The following IQCM variants were observed in gnomAD, a reference collection of about 807,000 sequenced individuals.
IQCM encodes IQ motif containing M, also known as IQ domain-containing protein M.
A neutral mutation model predicts 57.6 loss-of-function variants in IQCM; 45 were observed. That is an observed-to-expected ratio of 0.78 (90% CI 0.62 to 1.00). The LOEUF is 1.00. Among genes scored for constraint, IQCM ranks in the 50% least tolerant of loss-of-function variants. The pLI is 0.00. For synonymous variants in IQCM, 148 were observed against 158.9 expected (o/e 0.93, Z 0.51); for missense variants, 468 against 511.6 (o/e 0.91, Z 0.82).
chr4:149,392,560 A>G (rs1177136686), intron 13 of IQCM, among the ~76,000 whole-genome samples: 1 of 152,000 alleles, frequency 6.6e-6, no homozygotes, highest in Non-Finnish European at 1.5e-5. Context: ...GTACATATAC[A>G]TAACCTAAGT....
At chr4:149,630,436 T>C (rs1757165383) in intron 7 of IQCM, among the ~76,000 whole-genome samples, 1 of 152,212 alleles carries the variant, frequency 6.6e-6, no homozygotes, top group African/African-American at 2.4e-5. Flanking sequence ...TATAGGTTTC[T>C]AAGCAAGAAA....
At chr4:149,476,351 G>A (rs1340698215) in intron 12 of IQCM, among the ~76,000 whole-genome samples, 1 of 152,174 alleles carries the variant, frequency 6.6e-6, no homozygotes, top group African/African-American at 2.4e-5. Flanking sequence ...GTTTCCCAGA[G>A]TGGCAGGAGG....
At chr4:149,497,420 A>G (rs1005035475) in intron 12 of IQCM, among the ~76,000 whole-genome samples, 3 of 152,148 alleles carry the variant, frequency 2.0e-5, no homozygotes, top group African/African-American at 7.2e-5. Flanking sequence ...AATTTCCAAA[A>G]GAGGTTTATT....
intron 8 of IQCM, among the ~76,000 whole-genome samples, chr4:149,603,598 T>G (rs1754506620): frequency 6.6e-6 from 1 of 151,956 alleles, no homozygotes; most frequent in South Asian, 2.1e-4. Context: ...GCCTTGCCTG[T>G]GGTAGAAAAA....
At chr4:149,456,720 C>T (rs114038330) in intron 12 of IQCM, among the ~76,000 whole-genome samples, 2,260 of 152,116 alleles carry the variant, frequency 0.015, 65 homozygotes, top group African/African-American at 0.052. Flanking sequence ...GTCTTATAAC[C>T]TACTTTAGAG....
chr4:149,523,701 T>C lies in IQCM; in HGVS notation c.1228+24754A>G, dbSNP rs567452887. On this transcript the variant is annotated intron_variant, in intron 12 of 13. Coordinates refer to ENST00000636793, the MANE Select transcript of IQCM (RefSeq NM_001363507.2). ...ATGGGTGGATAGCTGGATCAATTGA[T>C]GAACTGATTGGTTGACTGACTGATA... Among the ~76,000 whole-genome samples the C allele has an allele frequency of 2.0e-5, 3 of 152,246 alleles. No individual in the cohort carries two copies. In the South Asian group the frequency reaches 6.2e-4, roughly 32 times the overall value.
intron 12 of IQCM, among the ~76,000 whole-genome samples, chr4:149,464,099 T>G (rs187888671): frequency 6.6e-6 from 1 of 152,290 alleles, no homozygotes; most frequent in Non-Finnish European, 1.5e-5. Flanking sequence ...TCCATCTTTT[T>G]CCTCTTACTG....
intron 5 of IQCM, among the ~76,000 whole-genome samples, chr4:149,726,858 C>G (rs1765991499): frequency 6.6e-6 from 1 of 151,872 alleles, no homozygotes; most frequent in African/African-American, 2.4e-5. Flanking sequence ...GCAATCTCGG[C>G]TCACTGCAGC....
intron 2 of IQCM, among the ~76,000 whole-genome samples, chr4:149,799,941 T>C (rs1424049278): frequency 6.6e-6 from 1 of 151,718 alleles, no homozygotes; most frequent in Non-Finnish European, 1.5e-5. Context: ...CTAATAGCAA[T>C]TCCATTCAAA....
At chr4:149,462,873 C>A (rs1387583298) in intron 12 of IQCM, among the ~76,000 whole-genome samples, 1 of 152,162 alleles carries the variant, frequency 6.6e-6, no homozygotes, top group Admixed American at 6.5e-5. Context: ...GGAGAACATA[C>A]AAATCTGAGC....
At chr4:149,800,775 C>A (rs990130860) in intron 2 of IQCM, among the ~76,000 whole-genome samples, 1 of 151,644 alleles carries the variant, frequency 6.6e-6, no homozygotes, top group African/African-American at 2.4e-5. Flanking sequence ...AGGAATTAAT[C>A]AAAGAAGTGA....
chr4:149,421,321 G>A lies in IQCM; in HGVS notation c.1390+12075C>T, dbSNP rs572731188. 5.9e-5 allele frequency among the ~76,000 whole-genome samples: 9 copies of A among 151,696 alleles called. No individual in the cohort carries two copies. In the East Asian group the frequency reaches 1.2e-3, roughly 20 times the overall value. On this transcript the variant is annotated intron_variant, in intron 13 of 13. Coordinates refer to ENST00000636793, the MANE Select transcript of IQCM (RefSeq NM_001363507.2). ...ATTATTTTTTGCACAGATATGTGTC[G>A]AACTTACACTGAAAAAAAAGTGGGC...
chr4:149,784,190 C>A (rs1222742193), intron 2 of IQCM, among the ~76,000 whole-genome samples: 1 of 152,154 alleles, frequency 6.6e-6, no homozygotes. Flanking sequence ...CAAGTTATTT[C>A]CACAATTTGG....
intron 7 of IQCM, among the ~76,000 whole-genome samples, chr4:149,657,224 C>T (rs181602522): frequency 1.5e-4 from 23 of 152,102 alleles, no homozygotes; most frequent in African/African-American, 5.3e-4. Context: ...TCTGTGATAT[C>T]GATATTTTTT....
intron 12 of IQCM, among the ~76,000 whole-genome samples, chr4:149,511,599 G>A (rs151031049): frequency 9.2e-5 from 14 of 151,822 alleles, no homozygotes; most frequent in Non-Finnish European, 1.8e-4. Context: ...AATGTATTTC[G>A]TGAGATCTCC....
intron 13 of IQCM, among the ~76,000 whole-genome samples, chr4:149,399,395 C>T (rs1371687905): frequency 6.6e-6 from 1 of 151,400 alleles, no homozygotes; most frequent in Non-Finnish European, 1.5e-5. Flanking sequence ...ATAGGGAACA[C>T]AGGAAGAGAG....
intron 12 of IQCM, among the ~76,000 whole-genome samples, chr4:149,483,015 A>C (rs562551118): frequency 6.6e-6 from 1 of 151,974 alleles, no homozygotes; most frequent in East Asian, 1.9e-4. Flanking sequence ...TGTTTCTAGG[A>C]ATGTATCCAT....
rs1561195451 is a variant in IQCM, at chr4:149,718,901, A to T, written c.385+14343T>A. ...TCCAAGATAGTCTCCCCACCCAAAA[A>T]TTCTTATATTAATCACATCAGCAAA... On this transcript the variant is annotated intron_variant, in intron 5 of 13. Coordinates refer to ENST00000636793, the MANE Select transcript of IQCM (RefSeq NM_001363507.2). 2.0e-5 allele frequency among the ~76,000 whole-genome samples: 3 copies of T among 152,214 alleles called. No homozygotes were observed. In the South Asian group the frequency reaches 6.2e-4, roughly 32 times the overall value.
intron 7 of IQCM, among the ~76,000 whole-genome samples, chr4:149,672,842 G>A (rs1276296653): frequency 1.3e-5 from 2 of 152,088 alleles, no homozygotes; most frequent in Non-Finnish European, 2.9e-5. Flanking sequence ...CACCAAAGTT[G>A]AAATGAAGGA....
Sources: allele counts gnomAD v4.1 joint callset (sites outside exome capture counted in the v4.1 genomes callset), GRCh38; gene constraint gnomAD v4.1.1; transcripts MANE v1.5; gene names NCBI Gene and HGNC (gene_info 2026-07-23, HGNC 2026-07-21).